GIPC2: variants seen among roughly 807,000 people sequenced by gnomAD.
The protein encoded by GIPC2 is GIPC PDZ domain containing family member 2, also known as PDZ domain-containing protein GIPC2.
A neutral mutation model predicts 30.6 loss-of-function variants in GIPC2; 30 were observed. The ratio of observed to expected loss-of-function variants is 0.98; its 90% CI spans 0.73 to 1.33. GIPC2 has a LOEUF of 1.33. Among genes scored for constraint, GIPC2 ranks in the 40% most tolerant of loss-of-function variants. The pLI is 0.00. For synonymous variants in GIPC2, 167 were observed against 150.0 expected (o/e 1.11, Z -0.83); for missense variants, 414 against 390.3 (o/e 1.06, Z -0.51).
intron 4 of GIPC2, among the ~76,000 whole-genome samples, chr1:78,121,797 G>A (rs1252123145): frequency 6.6e-6 from 1 of 152,198 alleles, no homozygotes; most frequent in Non-Finnish European, 1.5e-5. Context: ...GTATATTGCT[G>A]AAGGCCAGTA....
intron 1 of GIPC2, among the ~76,000 whole-genome samples, chr1:78,073,870 T>A (rs1661666211): frequency 6.6e-6 from 1 of 152,220 alleles, no homozygotes; most frequent in Non-Finnish European, 1.5e-5. Context: ...TATTAATGGC[T>A]CTGTGCGATA....
At chr1:78,120,603 ACTCACAGTTCCACATGT>A (rs1662662030) in intron 4 of GIPC2, among the ~76,000 whole-genome samples, 1 of 152,184 alleles carries the variant, frequency 6.6e-6, no homozygotes, top group East Asian at 1.9e-4. Flanking sequence ...GGTTTAACGG[ACTCACAGTTCCACATGT>A]CTGGGGAGGC....
intron 5 of GIPC2, among the ~76,000 whole-genome samples, chr1:78,127,290 A>G (rs1293056608): frequency 6.6e-6 from 1 of 152,220 alleles, no homozygotes; most frequent in African/African-American, 2.4e-5. Context: ...TTGCAACTCT[A>G]GTATCAGGCA....
intron 1 of GIPC2, among the ~76,000 whole-genome samples, chr1:78,066,775 T>C (rs953873747): frequency 3.3e-5 from 5 of 152,258 alleles, no homozygotes; most frequent in East Asian, 1.9e-4. Flanking sequence ...AGCAAACTAA[T>C]GCAGAAACAG....
rs1190899131 is a variant in GIPC2 at position 78,136,132 on chromosome 1, G to GTA, written c.*391_*392dup. ...AATCTTAATGTAAACTAGGATTGGA[G>GTA]TATGATTTACCTCATAGTATCTTCA... On this transcript the variant is annotated 3_prime_UTR_variant, in exon 6 of 6. Transcript: ENST00000370759. 6.2e-6 allele frequency: 1 copy of GTA among 161,892 alleles called. No individual in the cohort carries two copies. Among genetic ancestry groups the GTA allele is most frequent in the Non-Finnish European group, 1.3e-5 (1 of 75,578 alleles). The allele number at this position is 161,892 out of a possible 1,614,324, so 10.0% of individuals were successfully genotyped here.
At chr1:78,089,889 C>G (rs1260041568) in intron 2 of GIPC2, among the ~76,000 whole-genome samples, 3 of 152,132 alleles carry the variant, frequency 2.0e-5, no homozygotes, top group African/African-American at 7.2e-5. Flanking sequence ...CTTAACTAAG[C>G]CCATGTAGCA....
At chr1:78,071,684 AC>A (rs1557532007) in intron 1 of GIPC2, among the ~76,000 whole-genome samples, 4 of 151,548 alleles carry the variant, frequency 2.6e-5, no homozygotes. Flanking sequence ...TGATCCTCCT[AC>A]CTTGGCTGGG....
intron 2 of GIPC2, among the ~76,000 whole-genome samples, chr1:78,088,524 C>A (rs1290857678): frequency 6.6e-6 from 1 of 152,206 alleles, no homozygotes; most frequent in Non-Finnish European, 1.5e-5. Context: ...ACTGCATGTT[C>A]TCACTTATAA....
chr1:78,130,944 A>G (rs551899322), intron 5 of GIPC2, among the ~76,000 whole-genome samples: 68 of 152,278 alleles, frequency 4.5e-4, no homozygotes, highest in African/African-American at 1.5e-3. Flanking sequence ...AGTAATAAAA[A>G]TGGCCACTAG....
intron 5 of GIPC2, among the ~76,000 whole-genome samples, chr1:78,131,618 T>A (rs1460524372): frequency 6.6e-6 from 1 of 152,218 alleles, no homozygotes; most frequent in Non-Finnish European, 1.5e-5. Flanking sequence ...ATAAAAAGTG[T>A]TTTATTTTGC....
intron 4 of GIPC2, among the ~76,000 whole-genome samples, chr1:78,120,027 A>G (rs1468955488): frequency 1.3e-5 from 2 of 152,168 alleles, no homozygotes. Context: ...TGGATTTTGC[A>G]ATCACCTTCT....
intron 3 of GIPC2, among the ~76,000 whole-genome samples, chr1:78,116,245 C>G (rs1345488458): frequency 6.6e-6 from 1 of 152,166 alleles, no homozygotes; most frequent in East Asian, 1.9e-4. Context: ...TCCCTCTGAT[C>G]CAATCACCTC....
At chr1:78,046,451 CGTGTTGA>C in intron 1 of GIPC2, 117 bp downstream of exon 1, 1 of 899,440 alleles carries the variant, frequency 1.1e-6, no homozygotes, top group Non-Finnish European at 1.7e-6. Flanking sequence ...AATCCGATGC[CGTGTTGA>C]GTCCGCCGGG....
At chr1:78,063,385 G>A (rs541253382) in intron 1 of GIPC2, among the ~76,000 whole-genome samples, 7 of 151,854 alleles carry the variant, frequency 4.6e-5, no homozygotes, top group Non-Finnish European at 7.4e-5. Flanking sequence ...CTAGCTACTC[G>A]GGAGGCTGAG....
chr1:78,118,716 CT>C (rs1316367050), intron 3 of GIPC2, among the ~76,000 whole-genome samples: 2 of 152,120 alleles, frequency 1.3e-5, no homozygotes, highest in African/African-American at 4.8e-5. Flanking sequence ...ATCCCTTGTG[CT>C]TTCAAGAGGT....
At chr1:78,098,501 CA>C (rs933904556) in intron 3 of GIPC2, among the ~76,000 whole-genome samples, 6 of 152,052 alleles carry the variant, frequency 3.9e-5, no homozygotes, top group Non-Finnish European at 1.5e-5. Flanking sequence ...TTATCTATCT[CA>C]CAAATTATTG....
intron 1 of GIPC2, among the ~76,000 whole-genome samples, chr1:78,067,441 C>A (rs889916329): frequency 1.3e-5 from 2 of 151,928 alleles, no homozygotes; most frequent in African/African-American, 4.8e-5. Flanking sequence ...GCAAATTTTT[C>A]TTTTCTTTTT....
At chr1:78,085,836 CCTGT>C (rs1260194485) in intron 2 of GIPC2, among the ~76,000 whole-genome samples, 3 of 149,904 alleles carry the variant, frequency 2.0e-5, no homozygotes, top group Non-Finnish European at 4.4e-5. Context: ...TAGCTAGTGG[CCTGT>C]CTATCTAACT....
chr1:78,080,428 A>G (rs768296364), intron 1 of GIPC2, among the ~76,000 whole-genome samples: 2 of 152,190 alleles, frequency 1.3e-5, no homozygotes, highest in Non-Finnish European at 2.9e-5. Context: ...AGATGAAGTG[A>G]GATAATGGGA....
Sources: allele counts gnomAD v4.1 joint callset (sites outside exome capture counted in the v4.1 genomes callset), GRCh38; gene constraint gnomAD v4.1.1; transcripts MANE v1.5; gene names NCBI Gene and HGNC (gene_info 2026-07-23, HGNC 2026-07-21).